MYPN: variants seen among roughly 807,000 people sequenced by gnomAD.
The protein encoded by MYPN is myopalladin.
In MYPN, 63 loss-of-function variants were observed where a neutral mutation model predicts 129.4. The ratio of observed to expected loss-of-function variants is 0.49; its 90% confidence interval spans 0.40 to 0.60. The LOEUF is 0.60. Ranked by LOEUF, MYPN falls within the 20% of genes least tolerant of loss-of-function variation. MYPN has a pLI of 0.00. For missense variants in MYPN, 1,596 were observed against 1,635.4 expected, an observed-to-expected ratio of 0.98 and a Z score of 0.42; for synonymous variants, 629 against 600.9, an observed-to-expected ratio of 1.05 and a Z score of -0.68.
Position 68,174,548 on chromosome 10 carries a change from C to G in MYPN, c.2456C>G (p.Pro819Arg). The G allele has an allele frequency of 6.2e-7, 1 of 1,614,142 alleles. No individual in the cohort carries two copies. Among genetic ancestry groups the G allele is most frequent in the Non-Finnish European group, 8.5e-7 (1 of 1,179,986 alleles). Residue 819 changes from proline (P) to arginine (R), a missense_variant, in exon 11 of 20, where the codon CCT (proline) becomes CGT (arginine). Transcript: ENST00000358913. ...PRCVSPIPVS[P>R]TSRIQNPVAF... ...TGTGTGTCCCCAATTCCTGTCTCTC[C>G]TACCAGCCGGATTCAGAACCCAGTG...
Position 68,121,531 on chromosome 10 carries a change from G to T in MYPN, c.93G>T (p.Glu31Asp). Residue 31 changes from glutamate (E) to aspartate (D), a missense_variant, in exon 2 of 20, where the codon GAG becomes GAT. By Grantham distance (45) the Glu-to-Asp change is conservative. Coordinates refer to ENST00000358913, the MANE Select transcript of MYPN (RefSeq NM_032578.4). ...AAACCAGACATCGGGGAAACAATGA[G>T]AGGAGTCGAGCGGAGCCCTCCTCCA... ...LAETRHRGNN[E>D]RSRAEPSSNP... 1 of 1,614,206 alleles carries T rather than the reference G, an allele frequency of 6.2e-7. No individual in the cohort carries two copies. Among genetic ancestry groups the T allele is most frequent in the Non-Finnish European group, 8.5e-7 (1 of 1,180,028 alleles).
chr10:68,161,925 G>A (rs939053410), intron 8 of MYPN, 173 bp downstream of exon 8: 156 of 508,128 alleles, frequency 3.1e-4, no homozygotes, highest in Non-Finnish European at 1.5e-4. Context: ...CACTTTGCGA[G>A]GCCGAGGCGG....
chr10:68,187,052 C>A (rs1193552561), intron 12 of MYPN, among the ~76,000 whole-genome samples: 1 of 151,960 alleles, frequency 6.6e-6, no homozygotes, highest in African/African-American at 2.4e-5. Context: ...CACCTCTCTG[C>A]CTTGAGATTA....
At chr10:68,112,181 T>C (rs561665954) in intron 1 of MYPN, among the ~76,000 whole-genome samples, 24 of 152,316 alleles carry the variant, frequency 1.6e-4, no homozygotes, top group Non-Finnish European at 2.8e-4. Context: ...TTTTTCTTTT[T>C]TGATCCTAGA....
intron 4 of MYPN, among the ~76,000 whole-genome samples, chr10:68,147,196 C>G (rs559003548): frequency 2.0e-4 from 30 of 152,072 alleles, no homozygotes; most frequent in African/African-American, 6.5e-4. Context: ...GCTCTGTTGC[C>G]CAGGCTAGAG....
chr10:68,179,918 C>T (rs759810475), intron 12 of MYPN, among the ~76,000 whole-genome samples: 1 of 152,102 alleles, frequency 6.6e-6, no homozygotes, highest in Non-Finnish European at 1.5e-5. Flanking sequence ...TTGTGTTAAC[C>T]AAACATTTAA....
chr10:68,153,473 T>C (rs1214098591), intron 6 of MYPN, among the ~76,000 whole-genome samples: 1 of 152,164 alleles, frequency 6.6e-6, no homozygotes, highest in Non-Finnish European at 1.5e-5. Flanking sequence ...TTAGATAAAA[T>C]ATCTAAAAGA....
chr10:68,138,390 CT>C (rs2042520985), intron 2 of MYPN, among the ~76,000 whole-genome samples: 1 of 151,690 alleles, frequency 6.6e-6, no homozygotes, highest in African/African-American at 2.4e-5. Context: ...GCATGAGCCA[CT>C]GTGCCCGGCC....
chr10:68,153,291 A>G (rs912711306), intron 6 of MYPN, among the ~76,000 whole-genome samples: 3 of 152,038 alleles, frequency 2.0e-5, no homozygotes, highest in Non-Finnish European at 4.4e-5. Context: ...AGCCACATTT[A>G]TTCTTTACAT....
chr10:68,166,839 G>A (rs1256568144), intron 10 of MYPN, among the ~76,000 whole-genome samples, 173 bp downstream of exon 10: 3 of 151,852 alleles, frequency 2.0e-5, no homozygotes, highest in Admixed American at 6.6e-5. Flanking sequence ...GACCAGCCGG[G>A]GAAAAATAGT....
intron 13 of MYPN, among the ~76,000 whole-genome samples, chr10:68,194,000 G>GAA (rs10657186): frequency 0.54 from 82,206 of 151,554 alleles, 23,866 homozygotes; most frequent in Non-Finnish European, 0.64. Context: ...AAGGTAATGA[G>GAA]AATATCCACT....
At chr10:68,127,135 C>T (rs2042337774) in intron 2 of MYPN, among the ~76,000 whole-genome samples, 1 of 151,826 alleles carries the variant, frequency 6.6e-6, no homozygotes, top group Non-Finnish European at 1.5e-5. Flanking sequence ...TCCCAAGTAA[C>T]TGGGATTACA....
chr10:68,197,253 A>T (rs2043623626), intron 15 of MYPN, 99 bp from the exon 16 acceptor site: 1 of 1,445,152 alleles, frequency 6.9e-7, no homozygotes, highest in Non-Finnish European at 9.4e-7. Flanking sequence ...AAAAAAAAAA[A>T]ATCTGTTCTC....
At chr10:68,130,169 T>C (rs987206285) in intron 2 of MYPN, among the ~76,000 whole-genome samples, 4 of 152,178 alleles carry the variant, frequency 2.6e-5, no homozygotes, top group Non-Finnish European at 5.9e-5. Flanking sequence ...TTTTAAAATA[T>C]CCTGTATAGA....
chr10:68,152,375 T>C (rs1158914726), intron 6 of MYPN, among the ~76,000 whole-genome samples: 1 of 151,844 alleles, frequency 6.6e-6, no homozygotes, highest in African/African-American at 2.4e-5. Context: ...AGAGGAGGGG[T>C]CCATTCAGAT....
At chr10:68,209,958 G>T (rs7894455) in intron 19 of MYPN, among the ~76,000 whole-genome samples, 79,156 of 151,898 alleles carry the variant, frequency 0.52, 21,812 homozygotes, top group African/African-American at 0.7. Flanking sequence ...CTCCCAAAGT[G>T]CTGGGATTAC....
At chr10:68,150,140 T>C (rs757066402) in intron 6 of MYPN, 29 bp downstream of exon 6, 1 of 1,573,486 alleles carries the variant, frequency 6.4e-7, no homozygotes, top group Non-Finnish European at 8.7e-7. Context: ...CTTTCTGTCA[T>C]GGCTTTAAAG....
chr10:68,124,252 T>A (rs2042293622), intron 2 of MYPN, among the ~76,000 whole-genome samples: 1 of 152,216 alleles, frequency 6.6e-6, no homozygotes, highest in Non-Finnish European at 1.5e-5. Context: ...TATAATGGAA[T>A]AACATGTGAA....
intron 1 of MYPN, among the ~76,000 whole-genome samples, chr10:68,093,466 T>C (rs10823134): frequency 0.35 from 52,978 of 150,384 alleles, 11,663 homozygotes; most frequent in East Asian, 0.85. Flanking sequence ...AGGCCGAGCG[T>C]GGTGGCTCAT....
Sources: gnomAD v4.1 joint callset for allele counts (sites outside exome capture counted in the v4.1 genomes callset) on GRCh38, gnomAD v4.1.1 for gene constraint, MANE v1.5 for transcripts, NCBI Gene and HGNC (gene_info 2026-07-23, HGNC 2026-07-21) for gene names.